NPFFR2: variants seen among roughly 807,000 people sequenced by gnomAD.
NPFFR2 encodes neuropeptide FF receptor 2, also known as G-protein coupled receptor 74.
A neutral mutation model predicts 13.1 loss-of-function variants in NPFFR2; 15 were observed. The ratio of observed to expected loss-of-function variants is 1.15; its 90% CI spans 0.77 to 1.76. NPFFR2 has a LOEUF of 1.76. Ranked by LOEUF, NPFFR2 falls within the 40% of genes most tolerant of loss-of-function variation. NPFFR2 has a pLI of 0.00. For missense variants in NPFFR2, 572 were observed against 503.5 expected (o/e 1.14, Z -1.30); for synonymous variants, 190 against 175.7 (o/e 1.08, Z -0.65).
At chr4:72,040,119 G>T (rs13150414) in intron 1 of NPFFR2, among the ~76,000 whole-genome samples, 52,789 of 151,568 alleles carry the variant, frequency 0.35, 9,587 homozygotes, top group East Asian at 0.68. Context: ...CCATATTGTC[G>T]GCTGCCTTTG....
chr4:72,138,272 A>G (rs1722481655), intron 3 of NPFFR2, 133 bp downstream of exon 3: 1 of 636,316 alleles, frequency 1.6e-6, no homozygotes, highest in Non-Finnish European at 2.8e-6. Flanking sequence ...CTTTTTTTAA[A>G]TTATTATACT....
chr4:72,051,018 T>G lies in NPFFR2; in HGVS notation c.-8+18818T>G, dbSNP rs570659247. On this transcript the variant is annotated intron_variant, in intron 1 of 3. Transcript: ENST00000308744. ...TTCTTAATCCAGTCTATCATTGTTG[T>G]ACATTTGGGTTGGTTCCAAGTCTTT... Among the ~76,000 whole-genome samples the G allele has an allele frequency of 3.9e-3, 597 of 152,140 alleles. 3 individuals carry two copies. Among genetic ancestry groups the G allele is most frequent in the African/African-American group, 0.014 (569 of 41,520 alleles).
intron 1 of NPFFR2, among the ~76,000 whole-genome samples, chr4:72,127,427 G>A (rs1267129953): frequency 3.6e-5 from 4 of 112,406 alleles, no homozygotes; most frequent in East Asian, 5.5e-4. Context: ...GCAGTGGCGC[G>A]ATCTCGGCTC....
At chr4:72,122,938 G>A (rs764851784) in intron 1 of NPFFR2, among the ~76,000 whole-genome samples, 47 of 152,048 alleles carry the variant, frequency 3.1e-4, no homozygotes, top group Non-Finnish European at 5.6e-4. Flanking sequence ...CATGAAAAAC[G>A]CTTGAAAATA....
intron 1 of NPFFR2, among the ~76,000 whole-genome samples, chr4:72,041,224 C>T (rs1445960676): frequency 2.0e-5 from 3 of 152,102 alleles, no homozygotes; most frequent in Non-Finnish European, 4.4e-5. Flanking sequence ...GATTAGCTCC[C>T]TCTTATAAGT....
At chr4:72,032,988 C>T (rs1286218542) in intron 1 of NPFFR2, among the ~76,000 whole-genome samples, 2 of 152,082 alleles carry the variant, frequency 1.3e-5, no homozygotes, top group African/African-American at 4.8e-5. Context: ...ATGAATTATA[C>T]AAAGATGCTG....
rs906046209 is a variant in NPFFR2, at chr4:72,070,044, A to G, written c.-8+37844A>G. On this transcript the variant is annotated intron_variant, in intron 1 of 3. Transcript: ENST00000308744. ...TATCAATACTGGTATTATTATTCCT[A>G]TTTTACACCCAATTAAACCAAGGAA... 2.0e-5 allele frequency among the ~76,000 whole-genome samples: 3 copies of G among 152,110 alleles called. No homozygotes were observed. In the South Asian group the frequency reaches 6.2e-4, roughly 31 times the overall value.
At chr4:72,087,544 A>G (rs1195021118) in intron 1 of NPFFR2, among the ~76,000 whole-genome samples, 2 of 97,456 alleles carry the variant, frequency 2.1e-5, no homozygotes, top group East Asian at 4.5e-4. Context: ...TTAATACATG[A>G]TGGTCTTGTG....
chr4:72,033,558 C>A (rs1319282963), intron 1 of NPFFR2, among the ~76,000 whole-genome samples: 3 of 152,280 alleles, frequency 2.0e-5, no homozygotes, highest in East Asian at 3.9e-4. Context: ...CCAATAAGAT[C>A]TTTCTACTAG....
At chr4:72,134,771 G>A (rs577357553) in intron 2 of NPFFR2, among the ~76,000 whole-genome samples, 1 of 152,106 alleles carries the variant, frequency 6.6e-6, no homozygotes, top group South Asian at 2.1e-4. Flanking sequence ...GTGCAGGTAC[G>A]TTTCCCGGTG....
intron 1 of NPFFR2, among the ~76,000 whole-genome samples, chr4:72,032,410 C>T (rs1163434765): frequency 6.6e-6 from 1 of 152,210 alleles, no homozygotes; most frequent in Non-Finnish European, 1.5e-5. Flanking sequence ...CCACAGATGG[C>T]TGTGGCCCCA....
intron 1 of NPFFR2, among the ~76,000 whole-genome samples, chr4:72,117,520 G>C (rs1286972015): frequency 6.6e-6 from 1 of 152,084 alleles, no homozygotes; most frequent in Non-Finnish European, 1.5e-5. Flanking sequence ...TGCACAATTG[G>C]CTCTCACTGT....
chr4:72,121,242 G>A (rs1235719345), intron 1 of NPFFR2, among the ~76,000 whole-genome samples: 3 of 152,068 alleles, frequency 2.0e-5, no homozygotes, highest in Admixed American at 2.0e-4. Flanking sequence ...CAAGAAATAT[G>A]GTACAATGTG....
In NPFFR2 at chr4:72,088,880, C is replaced by G. The variant is rs553603480; in HGVS notation, c.-7-39705C>G. Among the ~76,000 whole-genome samples, 4 of 151,906 alleles carry G rather than the reference C, an allele frequency of 2.6e-5. No individual in the cohort carries two copies. In the East Asian group the frequency reaches 7.7e-4, roughly 29 times the overall value. On this transcript the variant is annotated intron_variant, in intron 1 of 3. Coordinates refer to ENST00000308744, the MANE Select transcript of NPFFR2 (RefSeq NM_004885.3). The stretch of plus-strand genomic sequence containing the variant: ...TGGGGGAACACGTGGTATTTGGTTA[C>G]ATGAATAAGTTCTTCAGTGGTAATT...
At chr4:72,136,543 TC>T (rs1722418659) in intron 2 of NPFFR2, among the ~76,000 whole-genome samples, 1 of 152,216 alleles carries the variant, frequency 6.6e-6, no homozygotes. Flanking sequence ...TCTGGACTAT[TC>T]ATTGGGAAAT....
Position 72,074,872 on chromosome 4 carries a change from A to C in NPFFR2, c.-8+42672A>C, listed in dbSNP as rs542003596. On this transcript the variant is annotated intron_variant, in intron 1 of 3. Transcript: ENST00000308744. ...GTAATAAAAATTCAGAAGAATGGCTAAACTAATGTCAGACAACATAGACTT... is the reference window on the plus strand; with the variant it reads ...GTAATAAAAATTCAGAAGAATGGCTCAACTAATGTCAGACAACATAGACTT... 2.8e-5 allele frequency among the ~76,000 whole-genome samples: 4 copies of C among 143,840 alleles called. No individual in the cohort carries two copies. The East Asian group carries it at 8.0e-4, about 29-fold the overall frequency. The allele number at this position is 143,840 out of a possible 152,430, so 94.4% of individuals were successfully genotyped here. A position where few individuals can be genotyped will look rare whatever the true frequency, so the allele number is the denominator to read the frequency against.
chr4:72,102,431 G>A (rs1310726916), intron 1 of NPFFR2, among the ~76,000 whole-genome samples: 1 of 151,870 alleles, frequency 6.6e-6, no homozygotes, highest in African/African-American at 2.4e-5. Context: ...CAACATGCAG[G>A]TTTGTTACAT....
chr4:72,124,583 A>G (rs1435035355), intron 1 of NPFFR2, among the ~76,000 whole-genome samples: 1 of 152,070 alleles, frequency 6.6e-6, no homozygotes. Flanking sequence ...AGATATATAG[A>G]CCGTGGAACA....
At chr4:72,035,625 C>T (rs1719022728) in intron 1 of NPFFR2, among the ~76,000 whole-genome samples, 1 of 152,112 alleles carries the variant, frequency 6.6e-6, no homozygotes, top group Admixed American at 6.5e-5. Context: ...TACAGCTAAG[C>T]ATACCAGCTA....
Sources: allele counts gnomAD v4.1 joint callset (sites outside exome capture counted in the v4.1 genomes callset), GRCh38; gene constraint gnomAD v4.1.1; transcripts MANE v1.5; gene names NCBI Gene and HGNC (gene_info 2026-07-23, HGNC 2026-07-21).